MND1: variants seen among roughly 807,000 people sequenced by gnomAD.
MND1 encodes meiotic nuclear divisions 1, also known as meiotic nuclear division protein 1 homolog.
In MND1, 28 loss-of-function variants were observed where a neutral mutation model predicts 35.1. The ratio of observed to expected loss-of-function variants is 0.80; its 90% CI spans 0.59 to 1.09. The LOEUF (loss-of-function observed/expected upper bound fraction) is 1.09. MND1 is among the 50% of genes least tolerant of loss of function. The probability of loss-of-function intolerance (pLI) is 0.00; values close to 1 mark genes in which losing one functional copy is unlikely to be tolerated. For synonymous variants in MND1, 69 were observed against 70.5 expected, an observed-to-expected ratio of 0.98 and a Z score of 0.11; for missense variants, 213 against 239.6, an observed-to-expected ratio of 0.89 and a Z score of 0.73.
rs138116110 is a variant in MND1, at chr4:153,360,305, G to A, written c.276+1683G>A. On this transcript the variant is annotated intron_variant, in intron 4 of 7. Coordinates refer to ENST00000240488, the MANE Select transcript of MND1 (RefSeq NM_032117.4). ...TTATCTCAACAGCATCTTTCACAGA[G>A]CAGTTTTCAATTTTAATGAAGTCCA... Among the ~76,000 whole-genome samples, 93 of 152,232 alleles carry A rather than the reference G, an allele frequency of 6.1e-4. 2 individuals carry two copies. In the East Asian group the frequency reaches 0.01, roughly 16 times the overall value.
At chr4:153,348,204 T>C (rs1773118598) in intron 1 of MND1, among the ~76,000 whole-genome samples, 1 of 151,882 alleles carries the variant, frequency 6.6e-6, no homozygotes, top group Non-Finnish European at 1.5e-5. Flanking sequence ...TGGTGATTGG[T>C]TGGATGTGAG....
At chr4:153,409,038 TA>T (rs1729606353) in intron 7 of MND1, 23 bp downstream of exon 7, 2 of 1,324,322 alleles carry the variant, frequency 1.5e-6, no homozygotes, top group South Asian at 2.2e-5. Flanking sequence ...ATAATGCTGA[TA>T]AACTATAGCT....
chr4:153,356,108 A>G (rs1471759203), intron 3 of MND1, among the ~76,000 whole-genome samples: 1 of 152,236 alleles, frequency 6.6e-6, no homozygotes, highest in Non-Finnish European at 1.5e-5. Flanking sequence ...GCTAGGCAAC[A>G]TAGCAAAATC....
rs1326027209 is a variant in MND1, at chr4:153,404,170, G to T, written c.467-4801G>T. ...AACGAGAAAATCAAAACCAAAAATT[G>T]GTTCTTTTTTTTTTTTTTTTTTTTT... On this transcript the variant is annotated intron_variant, in intron 6 of 7. Coordinates refer to ENST00000240488, the MANE Select transcript of MND1 (RefSeq NM_032117.4). Among the ~76,000 whole-genome samples, 111 of 141,612 alleles carry T rather than the reference G, an allele frequency of 7.8e-4. 1 individual carries two copies. Among genetic ancestry groups the T allele is most frequent in the Non-Finnish European group, 1.2e-3 (80 of 65,522 alleles). 92.9% of individuals were successfully genotyped at this position (141,612 alleles called of 152,430 possible).
At chr4:153,374,706 A>G (rs1049338095) in intron 4 of MND1, among the ~76,000 whole-genome samples, 1 of 151,682 alleles carries the variant, frequency 6.6e-6, no homozygotes, top group African/African-American at 2.4e-5. Context: ...TTGTCCCTTG[A>G]GAACAGACAT....
intron 2 of MND1, among the ~76,000 whole-genome samples, chr4:153,350,972 AAC>A: frequency 3.3e-5 from 5 of 151,540 alleles, no homozygotes; most frequent in African/African-American, 1.2e-4. Context: ...AAAAAAAACA[AAC>A]AAAATACACG....
intron 7 of MND1, among the ~76,000 whole-genome samples, chr4:153,409,413 T>A (rs1225198705): frequency 7.1e-6 from 1 of 141,178 alleles, no homozygotes; most frequent in African/African-American, 2.6e-5. Flanking sequence ...TGAGGACTAT[T>A]TGCCAGTTAC....
intron 4 of MND1, chr4:153,363,145 A>T: frequency 3.7e-6 from 1 of 272,570 alleles, no homozygotes; most frequent in Non-Finnish European, 5.5e-6. Context: ...TGCATGTTAG[A>T]CTCCTAGCCC....
At chr4:153,411,664 CTT>C (rs1206744600) in intron 7 of MND1, among the ~76,000 whole-genome samples, 2 of 152,132 alleles carry the variant, frequency 1.3e-5, no homozygotes, top group Non-Finnish European at 2.9e-5. Flanking sequence ...GTTCAATAGT[CTT>C]ACCCTGGTGC....
intron 6 of MND1, 61 bp from the exon 7 acceptor site, chr4:153,408,910 G>GTATATA (rs1729594568): frequency 6.5e-6 from 2 of 308,174 alleles, no homozygotes; most frequent in African/African-American, 4.2e-5. Flanking sequence ...ATCATTTTGT[G>GTATATA]TGTATATATA....
At position 153,415,023 on chromosome 4, in the gene MND1, C is replaced by A. The variant is rs370499533; in HGVS notation, c.*166C>A. The A allele has an allele frequency of 1.0e-5, 4 of 381,414 alleles. No homozygotes were observed. The highest frequency in any genetic ancestry group is 2.1e-5 in the African/African-American group (1 of 47,738). The allele number at this position is 381,414 out of a possible 1,614,324, so 23.6% of individuals were successfully genotyped here. A position where few individuals can be genotyped will look rare whatever the true frequency, so the allele number is the denominator to read the frequency against. On this transcript the variant is annotated 3_prime_UTR_variant, in exon 8 of 8. Coordinates refer to ENST00000240488, the MANE Select transcript of MND1 (RefSeq NM_032117.4). ...ATGTTCTTCACCCCTTTTGGTAGAACAAAAGCAGGATGATAACCATATCCC... is the reference window on the plus strand; with the variant it reads ...ATGTTCTTCACCCCTTTTGGTAGAAAAAAAGCAGGATGATAACCATATCCC...
At chr4:153,358,296 T>A (rs78090858) in intron 3 of MND1, among the ~76,000 whole-genome samples, 178 bp from the exon 4 acceptor site, 2,517 of 152,308 alleles carry the variant, frequency 0.017, 42 homozygotes, top group East Asian at 0.056. Context: ...TGGGGATACA[T>A]TCTAAGAAAT....
intron 4 of MND1, among the ~76,000 whole-genome samples, chr4:153,379,061 G>A (rs1728590028): frequency 6.6e-6 from 1 of 152,036 alleles, no homozygotes; most frequent in Non-Finnish European, 1.5e-5. Flanking sequence ...GGCCTAGGTG[G>A]GTGGATCACA....
rs184832729 is a variant in MND1, at chr4:153,382,153, G to T, written c.277-12109G>T. 5 of 151,980 alleles carry T rather than the reference G, an allele frequency of 3.3e-5. No individual in the cohort carries two copies. The East Asian group carries it at 9.7e-4, about 29-fold the overall frequency. The allele number at this position is 151,980 out of a possible 1,614,324, so 9.4% of individuals were successfully genotyped here. A position where few individuals can be genotyped will look rare whatever the true frequency, so the allele number is the denominator to read the frequency against. ...TCATCACATTCAGATACAGGGCCTT[G>T]TTCAGGTTCCTCAGTATTTATATTT... On this transcript the variant is annotated intron_variant, in intron 4 of 7. Coordinates refer to ENST00000240488, the MANE Select transcript of MND1 (RefSeq NM_032117.4).
chr4:153,379,822 C>A (rs1018058831), intron 4 of MND1, among the ~76,000 whole-genome samples: 2 of 136,356 alleles, frequency 1.5e-5, no homozygotes, highest in Non-Finnish European at 3.0e-5. Context: ...TGCACTTCAG[C>A]CTGTGCAACA....
At chr4:153,386,598 C>T (rs541965812) in intron 4 of MND1, among the ~76,000 whole-genome samples, 1 of 152,190 alleles carries the variant, frequency 6.6e-6, no homozygotes, top group South Asian at 2.1e-4. Context: ...CCCCTGTAAT[C>T]CCAGCTACTC....
At chr4:153,396,060 T>G (rs1279334949) in intron 5 of MND1, among the ~76,000 whole-genome samples, 3 of 152,216 alleles carry the variant, frequency 2.0e-5, no homozygotes, top group African/African-American at 7.2e-5. Flanking sequence ...ATTTGGGTAT[T>G]GATGGCAAAT....
intron 4 of MND1, among the ~76,000 whole-genome samples, chr4:153,367,188 G>A (rs917185992): frequency 6.6e-6 from 1 of 152,114 alleles, no homozygotes; most frequent in Non-Finnish European, 1.5e-5. Flanking sequence ...AGTGTATGAT[G>A]TAATAGTTTT....
At chr4:153,381,139 T>G (rs557538859) in intron 4 of MND1, among the ~76,000 whole-genome samples, 1 of 152,154 alleles carries the variant, frequency 6.6e-6, no homozygotes, top group African/African-American at 2.4e-5. Context: ...GACCTTGTGA[T>G]CCGCCTGCCT....
Sources: allele counts gnomAD v4.1 joint callset (sites outside exome capture counted in the v4.1 genomes callset), GRCh38; gene constraint gnomAD v4.1.1; transcripts MANE v1.5; gene names NCBI Gene and HGNC (gene_info 2026-07-23, HGNC 2026-07-21).